The following LDLRAD4 variants were observed in gnomAD, a reference collection of about 807,000 sequenced individuals.
LDLRAD4 encodes the protein low density lipoprotein receptor class A domain containing 4.
LDLRAD4 carries 5 observed loss-of-function variants against 17.0 expected under a neutral mutation model. The ratio of observed to expected loss-of-function variants is 0.29; its 90% confidence interval spans 0.15 to 0.62. The LOEUF is 0.62. LDLRAD4 is among the 20% of genes least tolerant of loss of function. The pLI is 0.84. For synonymous variants in LDLRAD4, 168 were observed against 171.8 expected, an observed-to-expected ratio of 0.98 and a Z score of 0.17; for missense variants, 340 against 424.7, an observed-to-expected ratio of 0.80 and a Z score of 1.75.
At chr18:13,646,191 T>C (rs968230903) in exon 6 of LDLRAD4, 1 of 152,772 alleles carries the variant, frequency 6.5e-6, no homozygotes. Context: ...AGAAGTTAGA[T>C]GAGTGCAAGG....
At chr18:13,550,968 C>G (rs913397710) in intron 3 of LDLRAD4, among the ~76,000 whole-genome samples, 1 of 152,192 alleles carries the variant, frequency 6.6e-6, no homozygotes, top group Non-Finnish European at 1.5e-5. Context: ...CATGCCCCCT[C>G]TGTGCTCATT....
At chr18:13,608,409 G>A (rs1601680611) in intron 3 of LDLRAD4, among the ~76,000 whole-genome samples, 1 of 152,248 alleles carries the variant, frequency 6.6e-6, no homozygotes, top group East Asian at 1.9e-4. Flanking sequence ...CTGGGACCTG[G>A]GCTGGGTGAG....
Position 13,330,654 on chromosome 18 carries a change from TACA to T in LDLRAD4, c.-383+52469_-383+52471del, listed in dbSNP as rs1437223730. Among the ~76,000 whole-genome samples the T allele has an allele frequency of 2.6e-5, 4 of 152,218 alleles. No homozygotes were observed. In the East Asian group the frequency reaches 7.7e-4, roughly 29 times the overall value. On this transcript the variant is annotated intron_variant, in intron 1 of 5. Coordinates refer to ENST00000359446, the Ensembl canonical transcript of LDLRAD4. ...TGGTCTTCGACCCCTTTTCCTGACA[TACA>T]ACTCTAAAAATCCTTAGAATCTCCA...
intron 3 of LDLRAD4, among the ~76,000 whole-genome samples, chr18:13,444,320 G>A (rs1009584467): frequency 1.3e-5 from 2 of 152,194 alleles, no homozygotes; most frequent in African/African-American, 2.4e-5. Context: ...TTAACTCCAG[G>A]TTAAACTCCA....
intron 1 of LDLRAD4, among the ~76,000 whole-genome samples, chr18:13,270,888 T>C (rs2044496892): frequency 6.6e-6 from 1 of 152,248 alleles, no homozygotes. Context: ...TGTGTGTATT[T>C]AAATACCACA....
intron 3 of LDLRAD4, among the ~76,000 whole-genome samples, chr18:13,581,604 A>G (rs548646932): frequency 6.6e-6 from 1 of 152,242 alleles, no homozygotes; most frequent in South Asian, 2.1e-4. Context: ...TTCATTTTCT[A>G]TTCATCCTTG....
chr18:13,601,795 C>A (rs750438766), intron 3 of LDLRAD4, among the ~76,000 whole-genome samples: 1 of 152,200 alleles, frequency 6.6e-6, no homozygotes, highest in African/African-American at 2.4e-5. Context: ...TTCCACCCAG[C>A]AATCCCACTA....
chr18:13,399,512 G>A (rs1488861084), intron 2 of LDLRAD4, among the ~76,000 whole-genome samples: 1 of 152,202 alleles, frequency 6.6e-6, no homozygotes, highest in Non-Finnish European at 1.5e-5. Flanking sequence ...TGTTATTTCA[G>A]GCACACTGCT....
intron 1 of LDLRAD4, among the ~76,000 whole-genome samples, chr18:13,355,698 T>C (rs2083294848): frequency 6.6e-6 from 1 of 152,164 alleles, no homozygotes; most frequent in Non-Finnish European, 1.5e-5. Context: ...GTGGTGCAAT[T>C]ACAGCTCACT....
chr18:13,574,344 C>A (rs1481446680), intron 3 of LDLRAD4, among the ~76,000 whole-genome samples: 1 of 152,122 alleles, frequency 6.6e-6, no homozygotes, highest in Admixed American at 6.5e-5. Flanking sequence ...TGTCCCTGGG[C>A]CTAGGAGAGC....
exon 3 of LDLRAD4, chr18:13,438,384 T>C (rs771037002): frequency 1.2e-6 from 2 of 1,613,638 alleles, no homozygotes; most frequent in African/African-American, 2.7e-5. Context: ...CATCTTCAAC[T>C]GTAAGTCTCT....
At chr18:13,309,573 A>T in intron 1 of LDLRAD4, among the ~76,000 whole-genome samples, 1 of 152,210 alleles carries the variant, frequency 6.6e-6, no homozygotes, top group East Asian at 1.9e-4. Context: ...ATCAGTATTA[A>T]ACATGTTGAA....
intron 3 of LDLRAD4, among the ~76,000 whole-genome samples, chr18:13,534,668 C>A (rs555835096): frequency 6.6e-6 from 1 of 152,278 alleles, no homozygotes; most frequent in African/African-American, 2.4e-5. Flanking sequence ...TGTGGGACAT[C>A]TTTTTGTATG....
chr18:13,425,377 G>GC (rs1263413120), intron 2 of LDLRAD4, among the ~76,000 whole-genome samples: 5 of 152,174 alleles, frequency 3.3e-5, no homozygotes. Flanking sequence ...TTGGGACTAA[G>GC]CTTCTGGGTT....
At chr18:13,549,018 A>G (rs1470970417) in intron 3 of LDLRAD4, among the ~76,000 whole-genome samples, 2 of 152,296 alleles carry the variant, frequency 1.3e-5, no homozygotes, top group East Asian at 3.9e-4. Flanking sequence ...CCAAAAGCAA[A>G]CAGCTACTTA....
chr18:13,626,509 A>G (rs1348162593), intron 4 of LDLRAD4, among the ~76,000 whole-genome samples: 5 of 152,226 alleles, frequency 3.3e-5, no homozygotes, highest in African/African-American at 1.2e-4. Context: ...AGGGAGAGGC[A>G]GGAGAGGGAC....
At chr18:13,379,526 C>T (rs532232942) in intron 1 of LDLRAD4, among the ~76,000 whole-genome samples, 3 of 152,344 alleles carry the variant, frequency 2.0e-5, no homozygotes, top group Non-Finnish European at 2.9e-5. Context: ...GGATCTGGGC[C>T]CCATGGTGAC....
chr18:13,319,572 C>T (rs1021282760), intron 1 of LDLRAD4, among the ~76,000 whole-genome samples: 2 of 152,182 alleles, frequency 1.3e-5, no homozygotes, highest in Non-Finnish European at 2.9e-5. Context: ...CTAGATGACT[C>T]TCTCATTTTT....
At chr18:13,516,783 C>G (rs1339950460) in intron 3 of LDLRAD4, among the ~76,000 whole-genome samples, 2 of 152,212 alleles carry the variant, frequency 1.3e-5, no homozygotes, top group Non-Finnish European at 2.9e-5. Flanking sequence ...ACGGCACCTT[C>G]TTTGAAGGAG....
Sources: gnomAD v4.1 joint callset for allele counts (sites outside exome capture counted in the v4.1 genomes callset) on GRCh38, gnomAD v4.1.1 for gene constraint, MANE v1.5 for transcripts, NCBI Gene and HGNC (gene_info 2026-07-23, HGNC 2026-07-21) for gene names.